ENTPD6: variants seen among roughly 807,000 people sequenced by gnomAD.
The protein encoded by ENTPD6 is CD39 antigen-like 2.
A neutral mutation model predicts 61.5 loss-of-function variants in ENTPD6; 46 were observed. The ratio of observed to expected loss-of-function variants is 0.75; its 90% confidence interval spans 0.59 to 0.96. The LOEUF (loss-of-function observed/expected upper bound fraction) is 0.96. Ranked by LOEUF, ENTPD6 falls within the 40% of genes least tolerant of loss-of-function variation. The pLI, the probability that ENTPD6 is intolerant of heterozygous loss-of-function variation, is 0.00. For missense variants in ENTPD6, 612 were observed against 629.0 expected (o/e 0.97, Z 0.29); for synonymous variants, 252 against 255.5 (o/e 0.99, Z 0.13).
chr20:25,216,616 C>G (rs1159001425), intron 7 of ENTPD6, 32 bp from the exon 8 acceptor site: 5 of 1,531,260 alleles, frequency 3.3e-6, no homozygotes, highest in Non-Finnish European at 4.5e-6. Flanking sequence ...CTTACTAATG[C>G]CCCTGTGCTG....
intron 1 of ENTPD6, among the ~76,000 whole-genome samples, chr20:25,199,441 A>G (rs1481216968): frequency 1.3e-5 from 2 of 152,294 alleles, no homozygotes; most frequent in East Asian, 3.9e-4. Context: ...TACCCACAGA[A>G]CTTATTTCTG....
chr20:25,195,953 C>T, intron 1 of ENTPD6, 86 bp downstream of exon 1: 9 of 1,106,320 alleles, frequency 8.1e-6, no homozygotes, highest in Non-Finnish European at 1.0e-5. Context: ...CGCTGCGCTC[C>T]GGAGGACGGC....
intron 1 of ENTPD6, among the ~76,000 whole-genome samples, chr20:25,197,483 G>C (rs6050425): frequency 6.6e-6 from 1 of 152,028 alleles, no homozygotes; most frequent in Non-Finnish European, 1.5e-5. Flanking sequence ...GACTGAGATG[G>C]CATTGTTTTC....
At position 25,207,403 on chromosome 20, in the gene ENTPD6, C is replaced by A; in HGVS notation, c.376+6C>A. 1 of 1,521,146 alleles carries A rather than the reference C, an allele frequency of 6.6e-7. No homozygotes were observed. Among genetic ancestry groups the A allele is most frequent in the Non-Finnish European group, 8.8e-7 (1 of 1,132,000 alleles). The allele number at this position is 1,521,146 out of a possible 1,614,324, so 94.2% of individuals were successfully genotyped here. On this transcript the variant is annotated splice_donor_region_variant and intron_variant, in intron 3 of 14. Transcript: ENST00000376652. Reference sequence around the variant, plus strand: ...GTTCACCCGGCCCCCCAGAGGTACCCGCCTCTCATGGCAGGGCTCTCGGGA... The same window carrying A: ...GTTCACCCGGCCCCCCAGAGGTACCAGCCTCTCATGGCAGGGCTCTCGGGA...
chr20:25,209,916 T>A lies in ENTPD6; in HGVS notation c.444T>A (p.Asp148Glu). The A allele has an allele frequency of 6.2e-7, 1 of 1,614,070 alleles. No homozygotes were observed. Among genetic ancestry groups the A allele is most frequent in the Non-Finnish European group, 8.5e-7 (1 of 1,179,866 alleles). ...LKPGLSAYADDVEKSAQGIRE... is the reference protein window; with the variant it reads ...LKPGLSAYADEVEKSAQGIRE... ...CAGGTCTTTCTGCCTATGCTGATGA[T>A]GTTGAAAAGGTAAGGATCCTCTCCC... The change falls in exon 4 of 15, where the codon GAT (aspartate) becomes GAA (glutamate). Residue 148 changes from aspartate to glutamate, a missense_variant. By Grantham distance (45) the Asp-to-Glu change is conservative. Coordinates refer to ENST00000376652, the MANE Select transcript of ENTPD6 (RefSeq NM_001247.5).
In ENTPD6 at chr20:25,195,728, A is replaced by T; in HGVS notation, c.-155A>T. On this transcript the variant is annotated 5_prime_UTR_variant, in exon 1 of 15. Coordinates refer to ENST00000376652, the MANE Select transcript of ENTPD6 (RefSeq NM_001247.5). ...GTGCATGGGGCGGAGCCCAGGCCCT[A>T]GGGAATCGTGGGGTCGTATCCCGCG... 1.5e-6 allele frequency: 1 copy of T among 647,572 alleles called. No homozygotes were observed. Among genetic ancestry groups the T allele is most frequent in the Non-Finnish European group, 2.2e-6 (1 of 447,960 alleles). 40.1% of individuals were successfully genotyped at this position (647,572 alleles called of 1,614,324 possible). A position where few individuals can be genotyped will look rare whatever the true frequency, so the allele number is the denominator to read the frequency against.
intron 1 of ENTPD6, among the ~76,000 whole-genome samples, chr20:25,202,969 G>A (rs2091163394): frequency 6.6e-6 from 1 of 152,220 alleles, no homozygotes; most frequent in South Asian, 2.1e-4. Context: ...TAGTGGCAAT[G>A]AACACGCACA....
intron 12 of ENTPD6, 49 bp downstream of exon 12, chr20:25,223,027 C>CGGGGGGGG: frequency 3.3e-5 from 16 of 490,264 alleles, no homozygotes; most frequent in Non-Finnish European, 5.1e-5. Context: ...CGGCAGGGGG[C>CGGGGGGGG]GGGGGTGGAG....
At chr20:25,210,008 C>T in intron 4 of ENTPD6, 83 bp downstream of exon 4, 1 of 1,241,072 alleles carries the variant, frequency 8.1e-7, no homozygotes, top group South Asian at 1.2e-5. Context: ...GGTAGGCTGT[C>T]TTCACAAAGG....
intron 9 of ENTPD6, among the ~76,000 whole-genome samples, chr20:25,218,229 C>T (rs74413784): frequency 1.5e-3 from 228 of 152,340 alleles, no homozygotes; most frequent in African/African-American, 5.4e-3. Context: ...GTGTTCCGGG[C>T]CACCTATTGC....
intron 1 of ENTPD6, chr20:25,196,162 T>G: frequency 8.2e-6 from 10 of 1,213,642 alleles, no homozygotes; most frequent in Non-Finnish European, 1.0e-5. Context: ...AGCCCGCTTT[T>G]GCGGACCCGC....
At chr20:25,223,019 G>T in intron 12 of ENTPD6, 41 bp downstream of exon 12, 2 of 1,463,056 alleles carry the variant, frequency 1.4e-6, no homozygotes. Flanking sequence ...GGTCGGGGCG[G>T]CAGGGGGCGG....
chr20:25,199,690 A>G (rs2090872195), intron 1 of ENTPD6, among the ~76,000 whole-genome samples: 1 of 152,130 alleles, frequency 6.6e-6, no homozygotes, highest in Non-Finnish European at 1.5e-5. Flanking sequence ...TGTCTGTGTG[A>G]TTTGACAGCT....
At chr20:25,200,938 G>A (rs765051277) in intron 1 of ENTPD6, among the ~76,000 whole-genome samples, 1 of 152,090 alleles carries the variant, frequency 6.6e-6, no homozygotes, top group South Asian at 2.1e-4. Flanking sequence ...TCTAAAGCAA[G>A]TGTTTACAGC....
chr20:25,214,155 C>G (rs1218537914), intron 5 of ENTPD6, among the ~76,000 whole-genome samples: 1 of 152,202 alleles, frequency 6.6e-6, no homozygotes, highest in Non-Finnish European at 1.5e-5. Context: ...CAATGTGTCT[C>G]CAGCTGCCCA....
chr20:25,220,166 G>A (rs972061752), intron 10 of ENTPD6, among the ~76,000 whole-genome samples: 3 of 152,070 alleles, frequency 2.0e-5, no homozygotes, highest in Admixed American at 6.5e-5. Flanking sequence ...TTTTGTTACC[G>A]GTTATTGCGT....
At chr20:25,202,704 G>A (rs893181381) in intron 1 of ENTPD6, among the ~76,000 whole-genome samples, 1 of 152,172 alleles carries the variant, frequency 6.6e-6, no homozygotes, top group African/African-American at 2.4e-5. Context: ...TGATGTCACA[G>A]ATTACATCTA....
chr20:25,222,843 A>T lies in ENTPD6; in HGVS notation c.1051A>T (p.Ser351Cys). ...YRVSGQKAAA[S>C]LHELCAARVS... ...AGCCTTGTGCTTGTCCCCAGCGGCA[A>T]GCCTGCACGAGCTGTGTGCTGCCAG... The change falls in exon 12 of 15, where the codon AGC (serine) becomes TGC (cysteine). Residue 351 changes from serine (S) to cysteine (C), a missense_variant. Ser to Cys is a moderately radical substitution (Grantham distance 112). Transcript: ENST00000376652. 6.2e-7 allele frequency: 1 copy of T among 1,613,860 alleles called. No homozygotes were observed. Among genetic ancestry groups the T allele is most frequent in the Non-Finnish European group, 8.5e-7 (1 of 1,179,986 alleles).
chr20:25,207,449 T>G, intron 3 of ENTPD6, 52 bp downstream of exon 3: 4 of 1,468,886 alleles, frequency 2.7e-6, no homozygotes, highest in Non-Finnish European at 2.7e-6. Context: ...TGTGCTACAG[T>G]GTTGGCCGGG....
Sources: allele counts gnomAD v4.1 joint callset (sites outside exome capture counted in the v4.1 genomes callset), GRCh38; gene constraint gnomAD v4.1.1; transcripts MANE v1.5; gene names NCBI Gene and HGNC (gene_info 2026-07-23, HGNC 2026-07-21).